The following MYOF variants were observed in gnomAD, a reference collection of about 807,000 sequenced individuals.
MYOF encodes the protein fer-1-like 3, myoferlin.
A neutral mutation model predicts 284.2 loss-of-function variants in MYOF; 244 were observed. The ratio of observed to expected loss-of-function variants is 0.86; its 90% CI spans 0.77 to 0.95. The LOEUF (loss-of-function observed/expected upper bound fraction) is 0.95, where lower values mean the gene tolerates loss of function less well. Ranked by LOEUF, MYOF falls within the 40% of genes least tolerant of loss-of-function variation. The pLI, the probability that MYOF is intolerant of heterozygous loss-of-function variation, is 0.00. For missense variants in MYOF, 2,496 were observed against 2,560.6 expected (o/e 0.97, Z 0.54); for synonymous variants, 904 against 919.7 (o/e 0.98, Z 0.31).
In MYOF at chr10:93,325,919, C is replaced by A; in HGVS notation, c.5178G>T (p.Arg1726=). The A allele has an allele frequency of 6.2e-7, 1 of 1,614,016 alleles. No individual in the cohort carries two copies. Among genetic ancestry groups the A allele is most frequent in the Non-Finnish European group, 8.5e-7 (1 of 1,179,966 alleles). ...GAGTCCTGAGGATGTGAAGAGCAAG[C>A]CGCTCTTCAGGGGCCCCGAGGTGCT... The part of the protein sequence containing the change: ...LHQHLGAPEE[R]LALHILRTQG... Residue 1726 remains arginine (R), a synonymous_variant, in exon 46 of 54, where the codon CGG becomes CGT. Transcript: ENST00000359263.
rs75136953 is a variant in MYOF, at chr10:93,328,935, G to A, written c.4983-24C>T. 1,032 of 1,574,578 alleles carry A rather than the reference G, an allele frequency of 6.6e-4. 12 individuals are homozygous for A. In the African/African-American group the frequency reaches 0.012, roughly 19 times the overall value. On this transcript the variant is annotated intron_variant, in intron 44 of 53. Transcript: ENST00000359263. ...AACTGTGAATAGCATCACGTGGCTC[G>A]GAGTTACGGAGGAGCCTGCAGGTTC...
chr10:93,427,032 G>A (rs961995784), intron 4 of MYOF, among the ~76,000 whole-genome samples: 3 of 150,914 alleles, frequency 2.0e-5, no homozygotes, highest in African/African-American at 2.4e-5. Context: ...GAATACAGGC[G>A]TGCACCATCA....
At chr10:93,363,352 A>G (rs1250387563) in intron 27 of MYOF, among the ~76,000 whole-genome samples, 1 of 152,196 alleles carries the variant, frequency 6.6e-6, no homozygotes, top group East Asian at 1.9e-4. Context: ...TTAAAGACAG[A>G]AACATTTCAT....
At chr10:93,450,116 G>A (rs957735573) in intron 3 of MYOF, among the ~76,000 whole-genome samples, 4 of 152,098 alleles carry the variant, frequency 2.6e-5, no homozygotes, top group African/African-American at 4.8e-5. Flanking sequence ...AAAATAGGCC[G>A]GGTGCAGTAG....
At chr10:93,465,599 C>A (rs759148286) in intron 1 of MYOF, among the ~76,000 whole-genome samples, 25 of 139,952 alleles carry the variant, frequency 1.8e-4, no homozygotes, top group Non-Finnish European at 2.9e-4. Context: ...ACTGCAACCT[C>A]CACCTCCTGG....
intron 1 of MYOF, among the ~76,000 whole-genome samples, chr10:93,474,270 C>T (rs1443502778): frequency 2.0e-5 from 3 of 152,146 alleles, no homozygotes; most frequent in Admixed American, 1.3e-4. Context: ...GTTCACATTG[C>T]GGCCTAGCGG....
intron 1 of MYOF, among the ~76,000 whole-genome samples, chr10:93,475,935 C>T (rs1589624551): frequency 6.6e-6 from 1 of 152,144 alleles, no homozygotes; most frequent in East Asian, 1.9e-4. Flanking sequence ...TTGAGAATTC[C>T]CATGCTTCCA....
chr10:93,339,188 T>C (rs540604922), intron 39 of MYOF, among the ~76,000 whole-genome samples: 88 of 152,104 alleles, frequency 5.8e-4, no homozygotes, highest in African/African-American at 1.7e-3. Flanking sequence ...ACTTTTTGTA[T>C]TTTTAGTAGA....
chr10:93,336,810 G>T (rs1330833527), intron 40 of MYOF, among the ~76,000 whole-genome samples: 1 of 150,224 alleles, frequency 6.7e-6, no homozygotes, highest in Non-Finnish European at 1.5e-5. Flanking sequence ...AGGGAGGCAG[G>T]TAGGAGGGAG....
intron 23 of MYOF, 112 bp from the exon 24 acceptor site, chr10:93,373,197 C>T (rs545087624): frequency 1.6e-6 from 2 of 1,265,536 alleles, no homozygotes; most frequent in East Asian, 2.3e-5. Flanking sequence ...CAAAGAAACG[C>T]TGTGGTTAGG....
Position 93,366,475 on chromosome 10 carries a change from T to C in MYOF, c.2670A>G (p.Gly890=), listed in dbSNP as rs1168281130. Reference sequence around the variant, plus strand: ...AAAATTCCCTCTTGAGTTTTATTTTTCCTGTGACATCAGAAAACTTATGAC... The same window carrying C: ...AAAATTCCCTCTTGAGTTTTATTTTCCCTGTGACATCAGAAAACTTATGAC... The part of the protein sequence containing the change: ...VGRHKFSDVT[G]KIKLKREFFL... The change falls in exon 26 of 54, where the codon GGA becomes GGG. Residue 890 remains glycine (G), a synonymous_variant. Transcript: ENST00000359263. 1.9e-6 allele frequency: 3 copies of C among 1,614,054 alleles called. No homozygotes were observed. Among genetic ancestry groups the C allele is most frequent in the South Asian group, 1.1e-5 (1 of 91,066 alleles).
chr10:93,311,009 T>A (rs781252021), intron 51 of MYOF, among the ~76,000 whole-genome samples: 179 of 152,318 alleles, frequency 1.2e-3, no homozygotes, highest in East Asian at 4.4e-3. Flanking sequence ...TATTGAGCAT[T>A]ATTGTAGGCT....
At chr10:93,417,799 A>G (rs1011888956) in intron 5 of MYOF, among the ~76,000 whole-genome samples, 1 of 152,046 alleles carries the variant, frequency 6.6e-6, no homozygotes, top group Non-Finnish European at 1.5e-5. Flanking sequence ...CCCTGGCTGG[A>G]CTGGGATCCT....
At chr10:93,418,054 G>A (rs527763925) in intron 5 of MYOF, among the ~76,000 whole-genome samples, 7 of 152,190 alleles carry the variant, frequency 4.6e-5, no homozygotes, top group East Asian at 1.9e-4. Context: ...CTCCTGCCTC[G>A]GCCTCCCAAA....
At chr10:93,374,711 G>C in intron 23 of MYOF, 52 bp downstream of exon 23, 4 of 1,546,654 alleles carry the variant, frequency 2.6e-6, no homozygotes, top group South Asian at 2.4e-5. Context: ...GTGCCATTTC[G>C]CAGAGCCCTT....
intron 16 of MYOF, among the ~76,000 whole-genome samples, chr10:93,394,294 G>T (rs928711428): frequency 7.2e-5 from 11 of 151,908 alleles, no homozygotes; most frequent in Non-Finnish European, 1.5e-4. Flanking sequence ...TAGAGATGGA[G>T]TTTCACCATG....
At chr10:93,472,043 C>A (rs1260606542) in intron 1 of MYOF, among the ~76,000 whole-genome samples, 1 of 152,214 alleles carries the variant, frequency 6.6e-6, no homozygotes, top group African/African-American at 2.4e-5. Context: ...GGCCAAGAGG[C>A]CACCAGGCTC....
intron 5 of MYOF, among the ~76,000 whole-genome samples, chr10:93,417,231 CCTTT>C (rs1848170621): frequency 6.6e-6 from 1 of 151,432 alleles, no homozygotes; most frequent in Non-Finnish European, 1.5e-5. Flanking sequence ...TGACCTGTCT[CCTTT>C]CTGAATATCA....
intron 42 of MYOF, among the ~76,000 whole-genome samples, 200 bp downstream of exon 42, chr10:93,333,558 A>G (rs1190618515): frequency 6.6e-6 from 1 of 152,110 alleles, no homozygotes; most frequent in East Asian, 1.9e-4. Flanking sequence ...AATGAGAAGG[A>G]TGAACCAGGG....
Sources: allele counts gnomAD v4.1 joint callset (sites outside exome capture counted in the v4.1 genomes callset), GRCh38; gene constraint gnomAD v4.1.1; transcripts MANE v1.5; gene names NCBI Gene and HGNC (gene_info 2026-07-23, HGNC 2026-07-21).